FBXL13: variants seen among roughly 807,000 people sequenced by gnomAD.
The protein encoded by FBXL13 is F-box and leucine-rich repeat protein 13.
A neutral mutation model predicts 83.6 loss-of-function variants in FBXL13; 67 were observed. That is an observed-to-expected ratio of 0.80 (90% CI 0.66 to 0.98). The LOEUF (loss-of-function observed/expected upper bound fraction) is 0.98. FBXL13 is among the 50% of genes least tolerant of loss of function. The pLI is 0.00. For synonymous variants in FBXL13, 272 were observed against 299.5 expected, an observed-to-expected ratio of 0.91 and a Z score of 0.95; for missense variants, 822 against 866.5, an observed-to-expected ratio of 0.95 and a Z score of 0.64.
chr7:102,892,790 T>C (rs1811698774), intron 11 of FBXL13, among the ~76,000 whole-genome samples: 1 of 152,214 alleles, frequency 6.6e-6, no homozygotes, highest in African/African-American at 2.4e-5. Context: ...CACATTAGCA[T>C]TATCTATGTT....
chr7:102,947,371 T>C (rs1822706225), intron 8 of FBXL13, among the ~76,000 whole-genome samples: 1 of 152,320 alleles, frequency 6.6e-6, no homozygotes, highest in Non-Finnish European at 1.5e-5. Context: ...GATTTTCATA[T>C]TCAATTTAAT....
chr7:103,061,720 C>T (rs1196518013), intron 1 of FBXL13, among the ~76,000 whole-genome samples: 1 of 151,984 alleles, frequency 6.6e-6, no homozygotes, highest in East Asian at 1.9e-4. Flanking sequence ...AGGCAGATCA[C>T]GAAGTCAGGA....
At chr7:102,994,427 G>A (rs1295699754) in intron 6 of FBXL13, among the ~76,000 whole-genome samples, 5 of 147,732 alleles carry the variant, frequency 3.4e-5, no homozygotes, top group Admixed American at 6.7e-5. Flanking sequence ...TCTCCAAGAG[G>A]AAAAAAAAAA....
chr7:102,897,618 A>G (rs1052503871), intron 11 of FBXL13, among the ~76,000 whole-genome samples: 1 of 152,224 alleles, frequency 6.6e-6, no homozygotes, highest in Non-Finnish European at 1.5e-5. Context: ...CAAAATAAAC[A>G]AAATAAATCC....
At chr7:102,947,496 A>T (rs1344585577) in intron 8 of FBXL13, among the ~76,000 whole-genome samples, 1 of 152,244 alleles carries the variant, frequency 6.6e-6, no homozygotes, top group East Asian at 1.9e-4. Flanking sequence ...TCAAGACTGA[A>T]GTGGACTTTC....
intron 8 of FBXL13, chr7:102,939,456 C>T (rs1820969813): frequency 1.2e-6 from 2 of 1,609,354 alleles, no homozygotes; most frequent in Non-Finnish European, 1.7e-6. Context: ...AAACAACATC[C>T]CTCCAGATAT....
chr7:102,977,156 C>G (rs909622493), intron 6 of FBXL13, among the ~76,000 whole-genome samples: 2 of 152,140 alleles, frequency 1.3e-5, no homozygotes, highest in African/African-American at 4.8e-5. Context: ...ATATTATGGT[C>G]CTGCCACTTG....
At chr7:102,890,229 A>G (rs1011953035) in intron 11 of FBXL13, among the ~76,000 whole-genome samples, 5 of 152,266 alleles carry the variant, frequency 3.3e-5, no homozygotes, top group African/African-American at 1.2e-4. Context: ...TCTCTAAAGG[A>G]AAAAGCAAAA....
chr7:102,957,772 G>A (rs929973534), intron 8 of FBXL13, among the ~76,000 whole-genome samples: 3 of 152,092 alleles, frequency 2.0e-5, no homozygotes, highest in Admixed American at 2.0e-4. Context: ...GCAGCCAACA[G>A]AGACATGAAA....
At chr7:102,898,942 A>C (rs528598975) in intron 11 of FBXL13, among the ~76,000 whole-genome samples, 1 of 151,794 alleles carries the variant, frequency 6.6e-6, no homozygotes, top group East Asian at 1.9e-4. Context: ...TTTGAGACAG[A>C]GTCTCACTCT....
intron 8 of FBXL13, chr7:102,942,352 CA>C: frequency 6.4e-7 from 1 of 1,556,618 alleles, no homozygotes; most frequent in Non-Finnish European, 8.7e-7. Flanking sequence ...GGTAAGTATA[CA>C]AATGCAGTGG....
chr7:102,861,090 T>C (rs1806763259), intron 16 of FBXL13, among the ~76,000 whole-genome samples: 1 of 152,048 alleles, frequency 6.6e-6, no homozygotes, highest in African/African-American at 2.4e-5. Flanking sequence ...AAATATTTCA[T>C]GTGCATCTCC....
chr7:103,063,712 CTTTT>C (rs34739663), intron 1 of FBXL13, among the ~76,000 whole-genome samples: 1 of 101,688 alleles, frequency 9.8e-6, no homozygotes, highest in Admixed American at 1.2e-4. Flanking sequence ...CAAACTTAGG[CTTTT>C]TTTTTTTTTT....
chr7:102,935,238 CTTTCT>C (rs1820071830), intron 8 of FBXL13, among the ~76,000 whole-genome samples: 1 of 84,468 alleles, frequency 1.2e-5, no homozygotes. Flanking sequence ...TTTTTTTTTT[CTTTCT>C]TTTTTTTTTT....
In FBXL13 at chr7:102,818,679, T is replaced by C. The variant is rs552602810; in HGVS notation, c.2018+3361A>G. 2.1e-4 allele frequency among the ~76,000 whole-genome samples: 32 copies of C among 152,326 alleles called. 1 individual carries two copies. The highest frequency in any genetic ancestry group is 7.8e-4 in the Admixed American group (12 of 15,302). On this transcript the variant is annotated intron_variant, in intron 19 of 19. Coordinates refer to ENST00000313221, the Ensembl canonical transcript of FBXL13. ...GCCTTCCAGGAATTTCATACTGTGA[T>C]TTGGGGCTCTGAAGGCCACTAAGAC... is the stretch of plus-strand genomic sequence containing the variant.
At chr7:102,903,939 C>CTTTTCTTTTT (rs1321420603) in intron 11 of FBXL13, among the ~76,000 whole-genome samples, 227 of 43,214 alleles carry the variant, frequency 5.3e-3, no homozygotes, top group East Asian at 0.014. Flanking sequence ...CTTTTCTTTT[C>CTTTTCTTTTT]TTTTTTTTTT....
intron 10 of FBXL13, among the ~76,000 whole-genome samples, chr7:102,922,010 A>G (rs537923782): frequency 6.6e-6 from 1 of 152,162 alleles, no homozygotes; most frequent in South Asian, 2.1e-4. Context: ...GGCTAACATG[A>G]TGAAACCTCG....
In FBXL13 at chr7:103,012,236, G is replaced by A. The variant is rs571190856; in HGVS notation, c.495+12827C>T. 4.6e-5 allele frequency among the ~76,000 whole-genome samples: 7 copies of A among 152,184 alleles called. No individual in the cohort carries two copies. In the South Asian group the frequency reaches 1.0e-3, roughly 23 times the overall value. ...ACTAAAAATACAAAATTAGCCGGGC[G>A]TGGTGGCACATGCTTGTAATCCCAC... On this transcript the variant is annotated intron_variant, in intron 6 of 19. Coordinates refer to ENST00000313221, the Ensembl canonical transcript of FBXL13.
chr7:102,857,931 C>T (rs760092323), intron 16 of FBXL13, among the ~76,000 whole-genome samples: 16 of 151,946 alleles, frequency 1.1e-4, no homozygotes, highest in East Asian at 1.9e-4. Context: ...TCATATGATC[C>T]AGCAATCTCA....
Sources: allele counts gnomAD v4.1 joint callset (sites outside exome capture counted in the v4.1 genomes callset), GRCh38; gene constraint gnomAD v4.1.1; transcripts MANE v1.5; gene names NCBI Gene and HGNC (gene_info 2026-07-23, HGNC 2026-07-21).